The following SPSB1 variants were observed in gnomAD, a reference collection of about 807,000 sequenced individuals.
SPSB1 encodes SPRY domain-containing SOCS box protein 1.
A neutral mutation model predicts 21.2 loss-of-function variants in SPSB1; 8 were observed. That is an observed-to-expected ratio of 0.38 (90% CI 0.22 to 0.68). SPSB1 has a LOEUF of 0.68. Ranked by LOEUF, SPSB1 falls within the 30% of genes least tolerant of loss-of-function variation. The pLI is 0.53. For missense variants in SPSB1, 242 were observed against 377.8 expected (o/e 0.64, Z 2.98); for synonymous variants, 169 against 161.7 (o/e 1.05, Z -0.34).
At chr1:9,352,467 G>T (rs545762018) in intron 1 of SPSB1, among the ~76,000 whole-genome samples, 1 of 152,292 alleles carries the variant, frequency 6.6e-6, no homozygotes, top group East Asian at 1.9e-4. Flanking sequence ...TCAGCCACGC[G>T]CGTTTATTTA....
chr1:9,322,048 A>G lies in SPSB1; in HGVS notation c.-150+28977A>G, dbSNP rs1299539. On this transcript the variant is annotated intron_variant, in intron 1 of 2. Transcript: ENST00000328089. ...ACCTGGGAATCACACTGGGCAGGTG[A>G]TGTAAATATGTGCACTCCCCGAGCA... Among the ~76,000 whole-genome samples, 925 of 152,200 alleles carry G rather than the reference A, an allele frequency of 6.1e-3. 8 individuals carry two copies. The highest frequency in any genetic ancestry group is 0.017 in the African/African-American group (702 of 41,522).
intron 1 of SPSB1, chr1:9,294,393 AG>A: frequency 6.6e-6 from 1 of 152,470 alleles, no homozygotes; most frequent in Non-Finnish European, 1.5e-5. Flanking sequence ...GGGACCATCC[AG>A]GGGGCCCTCT....
chr1:9,364,272 A>G (rs971307275), intron 2 of SPSB1, among the ~76,000 whole-genome samples: 7 of 152,232 alleles, frequency 4.6e-5, no homozygotes, highest in Admixed American at 4.6e-4. Context: ...CAAGCAGAGA[A>G]GAGAACACAC....
chr1:9,358,866 A>G (rs971210990), intron 2 of SPSB1, among the ~76,000 whole-genome samples: 2 of 152,142 alleles, frequency 1.3e-5, no homozygotes, highest in African/African-American at 4.8e-5. Flanking sequence ...AGGGGACTGG[A>G]GCCTATTTGA....
In SPSB1 at chr1:9,324,341, G is replaced by T. The variant is rs991359104; in HGVS notation, c.-150+31270G>T. Among the ~76,000 whole-genome samples the T allele has an allele frequency of 1.3e-5, 2 of 152,244 alleles. No homozygotes were observed. The highest frequency in any genetic ancestry group is 1.3e-4 in the Admixed American group (2 of 15,290). On this transcript the variant is annotated intron_variant, in intron 1 of 2. Coordinates refer to ENST00000328089, the MANE Select transcript of SPSB1 (RefSeq NM_025106.4). The surrounding 1 kb of genome is among the most constrained non-coding windows in gnomAD (Gnocchi z 4.3). ...TAGCTGTTGGTGGTGTGCCATCTGC[G>T]GCTCTGCTCTGGTGAGTTCTGCTGC... is the stretch of plus-strand genomic sequence containing the variant.
intron 1 of SPSB1, among the ~76,000 whole-genome samples, chr1:9,297,852 AC>A (rs1639251229): frequency 6.6e-6 from 1 of 152,214 alleles, no homozygotes; most frequent in African/African-American, 2.4e-5. Flanking sequence ...AAAGCTACTC[AC>A]CCACACTGGG....
At chr1:9,360,669 C>T (rs543157492) in intron 2 of SPSB1, among the ~76,000 whole-genome samples, 4 of 152,340 alleles carry the variant, frequency 2.6e-5, no homozygotes, top group Admixed American at 1.3e-4. Context: ...GGGTGCTCCA[C>T]CTGTGTATGT....
intron 1 of SPSB1, among the ~76,000 whole-genome samples, chr1:9,326,314 G>A (rs1009503554): frequency 6.6e-6 from 1 of 152,122 alleles, no homozygotes; most frequent in East Asian, 1.9e-4. Context: ...GTCTCCCTGC[G>A]CACTGGAGGT....
At chr1:9,323,165 G>C (rs774540909) in intron 1 of SPSB1, among the ~76,000 whole-genome samples, 3 of 152,242 alleles carry the variant, frequency 2.0e-5, no homozygotes, top group Non-Finnish European at 4.4e-5. Context: ...TTGGAGGGGG[G>C]TATCCATGGG....
At chr1:9,332,362 T>C (rs756183566) in intron 1 of SPSB1, among the ~76,000 whole-genome samples, 4 of 152,126 alleles carry the variant, frequency 2.6e-5, no homozygotes, top group Non-Finnish European at 5.9e-5. Flanking sequence ...TTGGCGCTAA[T>C]GTGGGAAGCC....
chr1:9,312,762 T>A (rs1300542434), intron 1 of SPSB1, among the ~76,000 whole-genome samples: 1 of 152,132 alleles, frequency 6.6e-6, no homozygotes, highest in Non-Finnish European at 1.5e-5. Flanking sequence ...ATTATTTGAT[T>A]TTTTCAACCT....
chr1:9,300,814 AC>A (rs1639315615), intron 1 of SPSB1, among the ~76,000 whole-genome samples: 1 of 151,774 alleles, frequency 6.6e-6, no homozygotes, highest in Admixed American at 6.6e-5. Flanking sequence ...CATGGTTCTT[AC>A]TTTGCCCACT....
intron 1 of SPSB1, among the ~76,000 whole-genome samples, chr1:9,298,411 T>TGAATGAGTGAAC (rs1557443151): frequency 2.7e-5 from 3 of 111,720 alleles, no homozygotes; most frequent in African/African-American, 1.1e-4. Flanking sequence ...AGTGAACGAA[T>TGAATGAGTGAAC]GAATGAATAA....
chr1:9,317,471 A>C lies in SPSB1; in HGVS notation c.-150+24400A>C, dbSNP rs1044412080. On this transcript the variant is annotated intron_variant, in intron 1 of 2. Transcript: ENST00000328089. This position sits in a 1 kb window ranked among gnomAD's most constrained non-coding sequence, Gnocchi z 4.3. ...GTAGAGATTTTCAGACCACCAGGTGAGAACAGACAGGTTTTTTGTCGTTTG... is the reference window on the plus strand; with the variant it reads ...GTAGAGATTTTCAGACCACCAGGTGCGAACAGACAGGTTTTTTGTCGTTTG... Among the ~76,000 whole-genome samples the C allele has an allele frequency of 7.9e-5, 12 of 152,176 alleles. No individual in the cohort carries two copies. Among genetic ancestry groups the C allele is most frequent in the African/African-American group, 2.4e-4 (10 of 41,510 alleles).
At chr1:9,341,679 G>A (rs1017272229) in intron 1 of SPSB1, among the ~76,000 whole-genome samples, 3 of 152,158 alleles carry the variant, frequency 2.0e-5, no homozygotes, top group African/African-American at 7.2e-5. Context: ...CTCCCTTCCT[G>A]AACGGTGACC....
chr1:9,336,154 G>A (rs1370861686), intron 1 of SPSB1, among the ~76,000 whole-genome samples: 1 of 152,192 alleles, frequency 6.6e-6, no homozygotes. Context: ...TTGTTGGTTT[G>A]AAATGTTATT....
chr1:9,358,309 G>C (rs1395436847), intron 2 of SPSB1, among the ~76,000 whole-genome samples: 1 of 152,128 alleles, frequency 6.6e-6, no homozygotes, highest in African/African-American at 2.4e-5. Flanking sequence ...TGTGGTACAG[G>C]CTCCCAGGGC....
rs569272649 is a variant in SPSB1 at position 9,369,179 on chromosome 1, T to G, written c.*1604T>G. The G allele has an allele frequency of 6.6e-6, 1 of 151,450 alleles. No homozygotes were observed. Among genetic ancestry groups the G allele is most frequent in the South Asian group, 2.1e-4 (1 of 4,776 alleles). 9.4% of individuals were successfully genotyped at this position (151,450 alleles called of 1,614,324 possible). A position where few individuals can be genotyped will look rare whatever the true frequency, so the allele number is the denominator to read the frequency against. ...TGGTGCCAAGACTGGGTGAGAAATGTACATTACCCCCTTATTATTTTGACG... is the reference window on the plus strand; with the variant it reads ...TGGTGCCAAGACTGGGTGAGAAATGGACATTACCCCCTTATTATTTTGACG... On this transcript the variant is annotated 3_prime_UTR_variant, in exon 3 of 3. Coordinates refer to ENST00000328089, the MANE Select transcript of SPSB1 (RefSeq NM_025106.4).
At chr1:9,301,577 G>A (rs1159079570) in intron 1 of SPSB1, among the ~76,000 whole-genome samples, 1 of 152,228 alleles carries the variant, frequency 6.6e-6, no homozygotes, top group Non-Finnish European at 1.5e-5. Flanking sequence ...GACCTCCCGA[G>A]TGCGCACAGG....
Sources: gnomAD v4.1 joint callset for allele counts (sites outside exome capture counted in the v4.1 genomes callset) on GRCh38, gnomAD v4.1.1 for gene constraint, Gnocchi (gnomAD v3.1) non-coding constraint, MANE v1.5 for transcripts, NCBI Gene and HGNC (gene_info 2026-07-23, HGNC 2026-07-21) for gene names.